The following LAMA3 variants were observed in gnomAD, a reference collection of about 807,000 sequenced individuals.
LAMA3 encodes laminin subunit alpha-3.
Under a neutral mutation model 402.0 loss-of-function variants are expected in LAMA3, and 281 were observed. That is an observed-to-expected ratio of 0.70 (90% CI 0.63 to 0.77). The LOEUF is 0.77. Among genes scored for constraint, LAMA3 ranks in the 30% least tolerant of loss-of-function variants. The pLI, the probability that LAMA3 is intolerant of heterozygous loss-of-function variation, is 0.00. For missense variants in LAMA3, 3,840 were observed against 4,215.5 expected (o/e 0.91, Z 2.47); for synonymous variants, 1,431 against 1,558.4 (o/e 0.92, Z 1.93).
intron 18 of LAMA3, among the ~76,000 whole-genome samples, chr18:23,817,965 C>G (rs981866251): frequency 2.0e-5 from 3 of 152,138 alleles, no homozygotes; most frequent in Admixed American, 6.5e-5. Flanking sequence ...ACCAGCCTGG[C>G]CAACATGGTG....
chr18:23,716,561 T>G (rs2061103684), intron 2 of LAMA3, among the ~76,000 whole-genome samples: 1 of 152,242 alleles, frequency 6.6e-6, no homozygotes, highest in Non-Finnish European at 1.5e-5. Context: ...TTGTTCTTTT[T>G]TCTTTAGAAC....
chr18:23,824,363 TAA>T, intron 20 of LAMA3, 58 bp from the exon 21 acceptor site: 1 of 1,575,148 alleles, frequency 6.3e-7, no homozygotes. Context: ...ACTGAATATC[TAA>T]AATCATAACA....
intron 12 of LAMA3, among the ~76,000 whole-genome samples, chr18:23,805,484 C>T (rs1437864582): frequency 6.6e-6 from 1 of 152,170 alleles, no homozygotes; most frequent in African/African-American, 2.4e-5. Flanking sequence ...TAATAACTTC[C>T]ACTCCATAGG....
At chr18:23,935,601 T>C (rs1226618772) in intron 67 of LAMA3, among the ~76,000 whole-genome samples, 1 of 152,164 alleles carries the variant, frequency 6.6e-6, no homozygotes, top group African/African-American at 2.4e-5. Context: ...TTATTAGGTA[T>C]GTGATCTTGG....
At chr18:23,711,387 C>T (rs965825574) in intron 1 of LAMA3, among the ~76,000 whole-genome samples, 12 of 152,154 alleles carry the variant, frequency 7.9e-5, no homozygotes, top group African/African-American at 2.9e-4. Flanking sequence ...GCTCCTGAGC[C>T]TGTGTTCTTA....
Position 23,753,824 on chromosome 18 carries a change from G to C in LAMA3, c.947+12G>C, listed in dbSNP as rs777181713. Reference sequence around the variant, plus strand: ...AATCCTGAAAAACTGTAAGTACACTGTACAGATTTTTTTCAGCCTTACTAT... The same window carrying C: ...AATCCTGAAAAACTGTAAGTACACTCTACAGATTTTTTTCAGCCTTACTAT... On this transcript the variant is annotated intron_variant, in intron 6 of 74. Coordinates refer to ENST00000313654, the MANE Select transcript of LAMA3 (RefSeq NM_198129.4). The C allele has an allele frequency of 2.5e-6, 4 of 1,582,350 alleles. No individual in the cohort carries two copies. The South Asian group carries it at 4.4e-5, about 18-fold the overall frequency.
intron 32 of LAMA3, among the ~76,000 whole-genome samples, chr18:23,851,569 A>G (rs1426483961): frequency 6.6e-6 from 1 of 152,162 alleles, no homozygotes; most frequent in East Asian, 1.9e-4. Flanking sequence ...CACTCTGAGC[A>G]CCCAGTAAGT....
Position 23,907,543 on chromosome 18 carries a change from A to G in LAMA3, c.6719-7A>G. On this transcript the variant is annotated splice_region_variant and splice_polypyrimidine_tract_variant and intron_variant, in intron 52 of 74. Coordinates refer to ENST00000313654, the MANE Select transcript of LAMA3 (RefSeq NM_198129.4). ...TAATTGCCTCCTGATGCTTTATTTT[A>G]TTTTAGAAGTCAGTCCAGCTCTCAA... is the stretch of plus-strand genomic sequence containing the variant. 1 of 1,595,678 alleles carries G rather than the reference A, an allele frequency of 6.3e-7. No individual in the cohort carries two copies. Among genetic ancestry groups the G allele is most frequent in the Non-Finnish European group, 8.6e-7 (1 of 1,163,346 alleles).
Position 23,914,711 on chromosome 18 carries a change from G to A in LAMA3, c.7495G>A (p.Ala2499Thr), listed in dbSNP as rs2081553737. The change falls in exon 58 of 75, where the codon GCA (alanine) becomes ACA (threonine). Residue 2499 changes from alanine to threonine, a missense_variant. Ala to Thr is a moderately conservative substitution (Grantham distance 58). This residue lies in a region of LAMA3 where 891 missense variants were observed against 857.5 expected (regional missense o/e 1.04). Coordinates refer to ENST00000313654, the MANE Select transcript of LAMA3 (RefSeq NM_198129.4). Reference sequence around the variant, plus strand: ...CATTTTAAACAGAATTTATCAGTTTGCAAGGCTTAATTACACCAAAGGAGC... The same window carrying A: ...CATTTTAAACAGAATTTATCAGTTTACAAGGCTTAATTACACCAAAGGAGC... ...RVKFQRIYQF[A>T]RLNYTKGATS... The A allele has an allele frequency of 1.2e-6, 2 of 1,613,138 alleles. No individual in the cohort carries two copies. Among genetic ancestry groups the A allele is most frequent in the Non-Finnish European group, 1.7e-6 (2 of 1,179,396 alleles).
At chr18:23,826,606 G>A in intron 21 of LAMA3, 96 bp from the exon 22 acceptor site, 2 of 921,726 alleles carry the variant, frequency 2.2e-6, no homozygotes, top group Non-Finnish European at 3.5e-6. Context: ...ACTTCACCTG[G>A]TTATTATTGA....
chr18:23,929,891 G>T (rs1366612765), intron 64 of LAMA3, among the ~76,000 whole-genome samples: 1 of 152,178 alleles, frequency 6.6e-6, no homozygotes, highest in East Asian at 1.9e-4. Context: ...GAAGAATTAG[G>T]TTAGCAAAAG....
Position 23,763,393 on chromosome 18 carries a change from C to A in LAMA3, c.1064-12C>A. ...ATAATGAGAATATTGACTTATTATG[C>A]TTTTTTTTCAGCATGCAACTGCCAC... On this transcript the variant is annotated splice_polypyrimidine_tract_variant and intron_variant, in intron 7 of 74. Transcript: ENST00000313654. 1.3e-6 allele frequency: 2 copies of A among 1,528,352 alleles called. No individual in the cohort carries two copies. The highest frequency in any genetic ancestry group is 1.8e-6 in the Non-Finnish European group (2 of 1,102,292). 94.7% of individuals were successfully genotyped at this position (1,528,352 alleles called of 1,614,324 possible).
intron 32 of LAMA3, among the ~76,000 whole-genome samples, chr18:23,854,016 C>T (rs1292578260): frequency 2.0e-5 from 3 of 152,194 alleles, no homozygotes; most frequent in African/African-American, 7.2e-5. Context: ...TGTTTTGGTT[C>T]ACCCTGGCCT....
chr18:23,793,015 G>A (rs1371119608), intron 12 of LAMA3, among the ~76,000 whole-genome samples: 2 of 152,202 alleles, frequency 1.3e-5, no homozygotes. Context: ...TGCTGTAGGG[G>A]CCACATGGAG....
At chr18:23,845,893 AG>A (rs1353447054) in intron 30 of LAMA3, among the ~76,000 whole-genome samples, 1 of 152,238 alleles carries the variant, frequency 6.6e-6, no homozygotes, top group Non-Finnish European at 1.5e-5. Context: ...TAAGGTTTCC[AG>A]CACACAACAT....
At chr18:23,797,410 G>C (rs2062785589) in intron 12 of LAMA3, among the ~76,000 whole-genome samples, 1 of 151,980 alleles carries the variant, frequency 6.6e-6, no homozygotes, top group African/African-American at 2.4e-5. Context: ...GCTCTTTCTT[G>C]CTTTAAAAAC....
At chr18:23,691,221 GTTGAACATCTAGTGCCATATGTGCTTA>G (rs2060581841) in intron 1 of LAMA3, among the ~76,000 whole-genome samples, 2 of 152,122 alleles carry the variant, frequency 1.3e-5, no homozygotes, top group South Asian at 2.1e-4. Flanking sequence ...ATGACAAGTT[GTTGAACATCTAGTGCCATATGTGCTTA>G]TTTACTTATA....
chr18:23,737,937 G>A (rs1471787109), intron 2 of LAMA3, among the ~76,000 whole-genome samples: 1 of 152,234 alleles, frequency 6.6e-6, no homozygotes, highest in East Asian at 1.9e-4. Flanking sequence ...GGAGTTATCA[G>A]GCTCCAGGGG....
At chr18:23,739,670 T>A (rs919455914) in intron 2 of LAMA3, among the ~76,000 whole-genome samples, 1 of 152,162 alleles carries the variant, frequency 6.6e-6, no homozygotes, top group Admixed American at 6.5e-5. Context: ...GATAGAAGCA[T>A]ATTGGCCAAG....
Sources: gnomAD v4.1 joint callset for allele counts (sites outside exome capture counted in the v4.1 genomes callset) on GRCh38, gnomAD v4.1.1 for gene constraint, gnomAD v4.1.1 regional missense constraint, MANE v1.5 for transcripts, NCBI Gene and HGNC (gene_info 2026-07-23, HGNC 2026-07-21) for gene names.